The following CASP10 variants were observed in gnomAD, a reference collection of about 807,000 sequenced individuals.
The protein encoded by CASP10 is caspase 10.
A neutral mutation model predicts 48.5 loss-of-function variants in CASP10; 41 were observed. The ratio of observed to expected loss-of-function variants is 0.85; its 90% confidence interval spans 0.66 to 1.10. The LOEUF (loss-of-function observed/expected upper bound fraction) is 1.10. CASP10 is among the 50% of genes least tolerant of loss of function. The probability of loss-of-function intolerance (pLI) is 0.00; values close to 1 mark genes in which losing one functional copy is unlikely to be tolerated. For missense variants in CASP10, 614 were observed against 614.5 expected, an observed-to-expected ratio of 1.00 and a Z score of 0.01; for synonymous variants, 232 against 238.4, an observed-to-expected ratio of 0.97 and a Z score of 0.25.
chr2:201,200,410 C>T (rs1217286574), intron 5 of CASP10: 2 of 1,590,324 alleles, frequency 1.3e-6, no homozygotes, highest in Non-Finnish European at 1.7e-6. Flanking sequence ...TCTCAGCATT[C>T]TACTGTAAAG....
intron 7 of CASP10, among the ~76,000 whole-genome samples, chr2:201,206,746 A>G (rs967354871): frequency 6.6e-6 from 1 of 151,732 alleles, no homozygotes; most frequent in Non-Finnish European, 1.5e-5. Context: ...CAGCTTGTAT[A>G]TTATTTTTAT....
At chr2:201,202,360 G>T (rs769079249) in intron 5 of CASP10, among the ~76,000 whole-genome samples, 1 of 152,146 alleles carries the variant, frequency 6.6e-6, no homozygotes, top group Non-Finnish European at 1.5e-5. Flanking sequence ...GACTTGAGAG[G>T]TGTCAACAGA....
In CASP10 at chr2:201,209,079, G is replaced by A; in HGVS notation, c.932G>A (p.Ser311Asn). Residue 311 changes from serine to asparagine, a missense_variant, in exon 9 of 10, where the codon AGT (serine) becomes AAT (asparagine). Ser to Asn is a conservative substitution (Grantham distance 46). Transcript: ENST00000286186. ...TTTTGTTTTTAAACAGAGATCCTGAGTCATGTGTTCCAGTGGCTTGGGTTC... is the reference window on the plus strand; with the variant it reads ...TTTTGTTTTTAAACAGAGATCCTGAATCATGTGTTCCAGTGGCTTGGGTTC... ...QGTHKDAEIL[S>N]HVFQWLGFTV... 6.3e-7 allele frequency: 1 copy of A among 1,586,420 alleles called. No individual in the cohort carries two copies. Among genetic ancestry groups the A allele is most frequent in the Admixed American group, 1.8e-5 (1 of 56,816 alleles).
chr2:201,214,161 G>T (rs1032915071), intron 9 of CASP10: 3 of 152,064 alleles, frequency 2.0e-5, no homozygotes, highest in African/African-American at 7.2e-5. Flanking sequence ...GATATTTTGG[G>T]CATAAATAAG....
At chr2:201,209,697 A>G (rs897381273) in intron 9 of CASP10, 135 bp downstream of exon 9, 18 of 850,538 alleles carry the variant, frequency 2.1e-5, no homozygotes, top group Admixed American at 3.0e-5. Flanking sequence ...CCATCTGCCT[A>G]CCCTCCTGTT....
At chr2:201,223,253 G>C (rs1945747368), downstream of CASP10, among the ~76,000 whole-genome samples, 2 of 152,156 alleles carry the variant, frequency 1.3e-5, no homozygotes, top group South Asian at 4.1e-4. Context: ...TGGTTAATCT[G>C]TTTGAAGCTT....
At chr2:201,204,698 C>G (rs1026875811) in intron 6 of CASP10, among the ~76,000 whole-genome samples, 1 of 152,202 alleles carries the variant, frequency 6.6e-6, no homozygotes, top group South Asian at 2.1e-4. Context: ...GCTTACTCTC[C>G]TAAGGCCAGG....
Position 201,205,935 on chromosome 2 carries a change from G to A in CASP10, c.775G>A (p.Ala259Thr), listed in dbSNP as rs1200629345. ...CCTGGTCTCCAGGGGGATGCAAGGAGCATCTGCTAACACTCTAAACTCTGA... is the reference window on the plus strand; with the variant it reads ...CCTGGTCTCCAGGGGGATGCAAGGAACATCTGCTAACACTCTAAACTCTGA... ...PSLVSRGMQG[A>T]SANTLNSETS... The change falls in exon 7 of 10, where the codon GCA becomes ACA. Residue 259 changes from alanine (A) to threonine (T), a missense_variant. By Grantham distance (58) the Ala-to-Thr change is moderately conservative (BLOSUM62 0). Transcript: ENST00000286186. 3.1e-6 allele frequency: 5 copies of A among 1,613,360 alleles called. No homozygotes were observed. The highest frequency in any genetic ancestry group is 4.2e-6 in the Non-Finnish European group (5 of 1,179,442).
At chr2:201,203,348 C>T (rs1945088699) in intron 5 of CASP10, among the ~76,000 whole-genome samples, 1 of 151,514 alleles carries the variant, frequency 6.6e-6, no homozygotes. Context: ...GCTCTGTCAC[C>T]CAGGCTGGAG....
intron 5 of CASP10, among the ~76,000 whole-genome samples, chr2:201,203,236 G>C (rs1383795507): frequency 6.6e-6 from 1 of 151,930 alleles, no homozygotes; most frequent in African/African-American, 2.4e-5. Context: ...ATTTTTGCCA[G>C]TGCGTCTTTG....
In CASP10 at chr2:201,220,095, T is replaced by A. The variant is rs1039509871; in HGVS notation, c.*2354T>A. The A allele has an allele frequency of 2.1e-5, 21 of 985,284 alleles. No individual in the cohort carries two copies. The highest frequency in any genetic ancestry group is 2.2e-5 in the Non-Finnish European group (18 of 829,884). The allele number at this position is 985,284 out of a possible 1,614,324, so 61.0% of individuals were successfully genotyped here. On this transcript the variant is annotated 3_prime_UTR_variant, in exon 10 of 10. Transcript: ENST00000286186. ...GTTATAAGAATATTCACAAGAACAC[T>A]GTTCTGATATCTCTGATTGTCATGT...
downstream of CASP10, among the ~76,000 whole-genome samples, chr2:201,226,362 A>G (rs138269705): frequency 3.9e-5 from 6 of 152,364 alleles, no homozygotes; most frequent in African/African-American, 1.2e-4. Context: ...TCGATCTAGG[A>G]AATGTAAATT....
At position 201,209,627 on chromosome 2, in the gene CASP10, C is replaced by T. The variant is rs1945331022; in HGVS notation, c.1415+65C>T. The T allele has an allele frequency of 3.4e-6, 5 of 1,486,844 alleles. No homozygotes were observed. In the South Asian group the frequency reaches 6.3e-5, roughly 19 times the overall value. The allele number at this position is 1,486,844 out of a possible 1,614,324, so 92.1% of individuals were successfully genotyped here. A position where few individuals can be genotyped will look rare whatever the true frequency, so the allele number is the denominator to read the frequency against. ...TTTTATTTATTTTTTATTTTACTCT[C>T]ATTCAACACCTTTGGTAAGGGTGAG... On this transcript the variant is annotated intron_variant, in intron 9 of 9. Coordinates refer to ENST00000286186, the MANE Select transcript of CASP10 (RefSeq NM_032977.4).
At chr2:201,229,089 T>G in exon 10 of CASP10, 1 of 1,613,936 alleles carries the variant, frequency 6.2e-7, no homozygotes, top group Non-Finnish European at 8.5e-7. Context: ...CCTAGTTCTT[T>G]CCAGAGGCTT....
intron 5 of CASP10, among the ~76,000 whole-genome samples, chr2:201,197,020 CT>C (rs1472571735): frequency 6.6e-6 from 1 of 152,080 alleles, no homozygotes; most frequent in African/African-American, 2.4e-5. Flanking sequence ...AATTTCCTTC[CT>C]TTTTAAAGGC....
At chr2:201,206,229 A>G (rs1041505729) in intron 7 of CASP10, 2 of 360,466 alleles carry the variant, frequency 5.5e-6, no homozygotes, top group African/African-American at 2.1e-5. Context: ...TGAGTCATGC[A>G]TACCCTTTGG....
At chr2:201,226,778 A>G (rs1945793059) in intron 9 of CASP10, among the ~76,000 whole-genome samples, 1 of 152,230 alleles carries the variant, frequency 6.6e-6, no homozygotes, top group African/African-American at 2.4e-5. Context: ...CATATAAAGG[A>G]ATACTATCAA....
chr2:201,224,517 T>C (rs545950622), downstream of CASP10, among the ~76,000 whole-genome samples: 4 of 152,310 alleles, frequency 2.6e-5, no homozygotes, highest in East Asian at 7.7e-4. Context: ...ATTTGTATGG[T>C]TTGAAGATAA....
At chr2:201,188,203 G>A (rs1944482204) in intron 3 of CASP10, among the ~76,000 whole-genome samples, 3 of 151,760 alleles carry the variant, frequency 2.0e-5, no homozygotes, top group African/African-American at 4.8e-5. Context: ...TTTTTGAGAC[G>A]AAGTCTTGCC....
Sources: allele counts gnomAD v4.1 joint callset (sites outside exome capture counted in the v4.1 genomes callset), GRCh38; gene constraint gnomAD v4.1.1; transcripts MANE v1.5; gene names NCBI Gene and HGNC (gene_info 2026-07-23, HGNC 2026-07-21).